The following CUX1 variants were observed in gnomAD, a reference collection of about 807,000 sequenced individuals.
CUX1 encodes the protein protein CASP.
A neutral mutation model predicts 158.8 loss-of-function variants in CUX1; 31 were observed. The observed-to-expected ratio is 0.20, with a 90% CI of 0.15 to 0.26. The LOEUF (loss-of-function observed/expected upper bound fraction) is 0.26. CUX1 is among the 10% of genes least tolerant of loss of function. CUX1 has a pLI of 1.00. For missense variants in CUX1, 1,589 were observed against 2,014.6 expected (o/e 0.79, Z 4.04); for synonymous variants, 879 against 862.1 (o/e 1.02, Z -0.34).
At chr7:102,004,233 G>A (rs1037614438) in intron 2 of CUX1, among the ~76,000 whole-genome samples, 4 of 152,072 alleles carry the variant, frequency 2.6e-5, no homozygotes, top group Admixed American at 6.6e-5. Flanking sequence ...GCTTCCTTAC[G>A]GGTCCACACA....
rs782651606 is a variant in CUX1 at position 102,204,522 on chromosome 7, T to C, written c.3039T>C (p.Gly1013=). ...GGCTGAACGGCGAGCTAGGCCAGGG[T>C]GTTCTACCCGTCCAGGGCCAGCAGC... ...QLWLNGELGQ[G]VLPVQGQQQG... Residue 1013 remains glycine, a synonymous_variant, in exon 19 of 24, where the codon GGT becomes GGC. Transcript: ENST00000292535. The C allele has an allele frequency of 1.2e-6, 2 of 1,613,362 alleles. No individual in the cohort carries two copies. Among genetic ancestry groups the C allele is most frequent in the Non-Finnish European group, 1.7e-6 (2 of 1,180,012 alleles).
intron 4 of CUX1, among the ~76,000 whole-genome samples, chr7:102,096,579 G>T (rs1489956041): frequency 6.6e-6 from 1 of 152,164 alleles, no homozygotes; most frequent in Non-Finnish European, 1.5e-5. Context: ...GCTTGTGCAT[G>T]CCTGTAGTCC....
chr7:102,069,726 C>T (rs373821275), intron 3 of CUX1, among the ~76,000 whole-genome samples: 10 of 152,038 alleles, frequency 6.6e-5, no homozygotes, highest in East Asian at 1.9e-4. Context: ...CCAGTCTGGG[C>T]GACAGAGCAA....
At chr7:101,966,319 TA>T (rs1390980136) in intron 2 of CUX1, among the ~76,000 whole-genome samples, 3 of 150,738 alleles carry the variant, frequency 2.0e-5, no homozygotes, top group Admixed American at 6.6e-5. Flanking sequence ...TTTTTTTTTT[TA>T]AAGGATCCTT....
At chr7:101,873,757 G>C (rs1221322947) in intron 1 of CUX1, among the ~76,000 whole-genome samples, 1 of 151,884 alleles carries the variant, frequency 6.6e-6, no homozygotes. Flanking sequence ...CTAATTTTTT[G>C]TATTTTTAGT....
At chr7:102,282,581 C>A in intron 21 of CUX1, 1 of 877,374 alleles carries the variant, frequency 1.1e-6, no homozygotes, top group Non-Finnish European at 1.8e-6. Flanking sequence ...AGGAACATGT[C>A]TAAGACCCAC....
At chr7:101,849,611 T>C (rs758522316) in intron 1 of CUX1, among the ~76,000 whole-genome samples, 21 of 152,226 alleles carry the variant, frequency 1.4e-4, no homozygotes, top group Non-Finnish European at 2.9e-4. Flanking sequence ...TCTATGTCTT[T>C]GCTATTGTGA....
intron 1 of CUX1, among the ~76,000 whole-genome samples, chr7:101,821,819 C>T (rs1792634675): frequency 6.8e-6 from 1 of 146,470 alleles, no homozygotes. Context: ...GGACGATAGG[C>T]GCCCGCCACC....
intron 3 of CUX1, among the ~76,000 whole-genome samples, chr7:102,044,265 C>T (rs1366434378): frequency 6.6e-6 from 1 of 152,146 alleles, no homozygotes. Context: ...TCTTGGCTCA[C>T]TGCAACCTCC....
intron 1 of CUX1, among the ~76,000 whole-genome samples, chr7:101,913,829 G>A (rs1464249787): frequency 3.3e-5 from 5 of 152,148 alleles, no homozygotes; most frequent in East Asian, 1.9e-4. Flanking sequence ...CGATTGGAAC[G>A]AAACATCAAC....
chr7:102,180,919 G>GTATTT (rs1186410987), intron 11 of CUX1, among the ~76,000 whole-genome samples: 4,692 of 51,466 alleles, frequency 0.091, 95 homozygotes, highest in African/African-American at 0.21. Context: ...TTATTTTATT[G>GTATTT]TATTTTATTT....
intron 2 of CUX1, among the ~76,000 whole-genome samples, chr7:101,981,651 C>T (rs985800234): frequency 6.6e-6 from 1 of 151,508 alleles, no homozygotes; most frequent in East Asian, 1.9e-4. Flanking sequence ...CTCGCTCTGT[C>T]GCCCAGGCTG....
At chr7:102,022,000 G>T (rs559667910) in intron 2 of CUX1, among the ~76,000 whole-genome samples, 4 of 152,288 alleles carry the variant, frequency 2.6e-5, no homozygotes, top group African/African-American at 9.6e-5. Context: ...CCTCCATGCA[G>T]CAGCTCAGCG....
rs937157138 is a variant in CUX1 at position 101,869,968 on chromosome 7, GC to G, written c.31-46140del. 1.3e-5 allele frequency among the ~76,000 whole-genome samples: 2 copies of G among 151,422 alleles called. No individual in the cohort carries two copies. Among genetic ancestry groups the G allele is most frequent in the Non-Finnish European group, 2.9e-5 (2 of 67,876 alleles). ...CACCCTTGGGAAGGCGGCTCCTCGT[GC>G]CCCCCCTCTTGTGCCTTCCCTCCCC... On this transcript the variant is annotated intron_variant, in intron 1 of 23. Coordinates refer to ENST00000292535, the MANE Select transcript of CUX1 (RefSeq NM_181552.4). The surrounding 1 kb of genome is among the most constrained non-coding windows in gnomAD (Gnocchi z 4.5).
chr7:102,017,270 GAC>G (rs1333012357), intron 2 of CUX1, among the ~76,000 whole-genome samples: 2 of 137,302 alleles, frequency 1.5e-5, no homozygotes, highest in Non-Finnish European at 3.1e-5. Flanking sequence ...CGGCCTGGGG[GAC>G]ACAGAGAGAC....
At chr7:102,100,423 A>G (rs1408814113) in intron 5 of CUX1, among the ~76,000 whole-genome samples, 1 of 152,232 alleles carries the variant, frequency 6.6e-6, no homozygotes, top group African/African-American at 2.4e-5. Flanking sequence ...CTTACCAGGT[A>G]GGGTTGGTGT....
At chr7:101,877,008 CTA>C (rs1380943779) in intron 1 of CUX1, among the ~76,000 whole-genome samples, 1 of 152,144 alleles carries the variant, frequency 6.6e-6, no homozygotes, top group Non-Finnish European at 1.5e-5. Context: ...TGCAGCTTTT[CTA>C]TGATTTTTAA....
chr7:102,105,831 A>G (rs2131005573), intron 6 of CUX1, among the ~76,000 whole-genome samples: 1 of 151,380 alleles, frequency 6.6e-6, no homozygotes, highest in South Asian at 2.1e-4. Flanking sequence ...ATTTTTTTAA[A>G]CTCATGGGTT....
At chr7:102,035,796 C>T (rs1385704160) in intron 3 of CUX1, among the ~76,000 whole-genome samples, 3 of 151,898 alleles carry the variant, frequency 2.0e-5, no homozygotes, top group Admixed American at 6.6e-5. Flanking sequence ...AGAGAAATTT[C>T]CACTACTATT....
Sources: allele counts gnomAD v4.1 joint callset (sites outside exome capture counted in the v4.1 genomes callset), GRCh38; gene constraint gnomAD v4.1.1; non-coding constraint Gnocchi (gnomAD v3.1); transcripts MANE v1.5; gene names NCBI Gene and HGNC (gene_info 2026-07-23, HGNC 2026-07-21).